The following DYNC2H1 variants were observed in gnomAD, a reference collection of about 807,000 sequenced individuals.
DYNC2H1 encodes cytoplasmic dynein 2 heavy chain 1.
A neutral mutation model predicts 570.0 loss-of-function variants in DYNC2H1; 410 were observed. The observed-to-expected ratio is 0.72, with a 90% confidence interval of 0.66 to 0.78. DYNC2H1 has a LOEUF of 0.78. Ranked by LOEUF, DYNC2H1 falls within the 30% of genes least tolerant of loss-of-function variation. The probability of loss-of-function intolerance (pLI) is 0.00; values close to 1 mark genes in which losing one functional copy is unlikely to be tolerated. For missense variants in DYNC2H1, 4,865 were observed against 5,046.4 expected, an observed-to-expected ratio of 0.96 and a Z score of 1.09; for synonymous variants, 1,688 against 1,677.6, an observed-to-expected ratio of 1.01 and a Z score of -0.15.
At position 103,125,256 on chromosome 11, in the gene DYNC2H1, T is replaced by C; in HGVS notation, c.1818T>C (p.Ile606=). 6.2e-7 allele frequency: 1 copy of C among 1,610,784 alleles called. No homozygotes were observed. The highest frequency in any genetic ancestry group is 8.5e-7 in the Non-Finnish European group (1 of 1,178,430). ...IPAKIQQVAN[I]AQKFCKQAII... ...CCAAAATACAGCAAGTTGCAAACAT[T>C]GCACAGAAATTCTGCAAGCAAGCAA... Residue 606 remains isoleucine (I), a synonymous_variant, in exon 12 of 89, where the codon ATT becomes ATC. Transcript: ENST00000375735.
chr11:103,170,151 G>T lies in DYNC2H1; in HGVS notation c.5012G>T (p.Cys1671Phe). Residue 1671 changes from cysteine (C) to phenylalanine (F), a missense_variant, in exon 33 of 89, where the codon TGC becomes TTC. Physicochemically the swap from Cys to Phe is radical, Grantham distance 205. Transcript: ENST00000375735. The surrounding 1 kb of genome is among the most constrained non-coding windows in gnomAD (Gnocchi z 4.8). ...KLVYTPLTDK[C>F]YLTLTQAMKM... ...GTTTATACTCCACTGACAGACAAGT[G>T]CTACTTAACTCTCACTCAAGCCATG... 1 of 1,613,034 alleles carries T rather than the reference G, an allele frequency of 6.2e-7. No homozygotes were observed.
chr11:103,229,841 TG>T (rs572294608), intron 59 of DYNC2H1, among the ~76,000 whole-genome samples: 397 of 152,324 alleles, frequency 2.6e-3, no homozygotes, highest in African/African-American at 9.2e-3. Context: ...AATATATTAT[TG>T]TATGTGATCA....
intron 12 of DYNC2H1, among the ~76,000 whole-genome samples, chr11:103,127,986 G>A (rs2134745936): frequency 6.6e-6 from 1 of 152,318 alleles, no homozygotes; most frequent in East Asian, 1.9e-4. Context: ...CCTTGATGAA[G>A]AGGTAACATT....
At chr11:103,174,202 A>T (rs774017745) in intron 36 of DYNC2H1, 32 bp downstream of exon 36, 1 of 1,478,226 alleles carries the variant, frequency 6.8e-7, no homozygotes. Flanking sequence ...ACATTAACTT[A>T]TTTTTAAAAA....
At chr11:103,310,691 TTTTTTTTG>T (rs1280133022) in intron 78 of DYNC2H1, among the ~76,000 whole-genome samples, 10,351 of 102,260 alleles carry the variant, frequency 0.1, 555 homozygotes, top group East Asian at 0.23. Flanking sequence ...TTTTTTTTTT[TTTTTTTTG>T]GGAGACTGAG....
chr11:103,174,549 C>G (rs565706110), intron 36 of DYNC2H1, among the ~76,000 whole-genome samples: 12 of 152,224 alleles, frequency 7.9e-5, no homozygotes, highest in South Asian at 2.1e-4. Flanking sequence ...GACCCCACCC[C>G]CAAAGGTCCT....
chr11:103,412,269 G>C (rs1943118610), intron 84 of DYNC2H1, among the ~76,000 whole-genome samples: 1 of 152,086 alleles, frequency 6.6e-6, no homozygotes, highest in South Asian at 2.1e-4. Flanking sequence ...GACACGATTG[G>C]AGTAGGAAAT....
chr11:103,209,943 A>G lies in DYNC2H1; in HGVS notation c.8522A>G (p.Glu2841Gly). ...TACAATGATAAAAAACGAAAAGAAGAAAAGAAAAAAAATTCAGGTAGTATT... is the reference window on the plus strand; with the variant it reads ...TACAATGATAAAAAACGAAAAGAAGGAAAGAAAAAAAATTCAGGTAGTATT... ...EKYNDKKRKE[E>G]KKKNSVDPDF... Residue 2841 changes from glutamate to glycine, a missense_variant, in exon 53 of 89, where the codon GAA becomes GGA. Glu to Gly is a moderately conservative substitution (Grantham distance 98). Around this residue, in one of 5 missense-constraint regions of DYNC2H1, gnomAD observed 2,401 missense variants for 2,454.6 expected, o/e 0.98. Coordinates refer to ENST00000375735, the MANE Select transcript of DYNC2H1 (RefSeq NM_001377.3). This position sits in a 1 kb window ranked among gnomAD's most constrained non-coding sequence, Gnocchi z 4.2. 1 of 1,492,892 alleles carries G rather than the reference A, an allele frequency of 6.7e-7. No homozygotes were observed. Among genetic ancestry groups the G allele is most frequent in the African/African-American group, 1.4e-5 (1 of 70,330 alleles). 92.5% of individuals were successfully genotyped at this position (1,492,892 alleles called of 1,614,324 possible). A position where few individuals can be genotyped will look rare whatever the true frequency, so the allele number is the denominator to read the frequency against.
chr11:103,238,643 G>A (rs653322), intron 63 of DYNC2H1, among the ~76,000 whole-genome samples: 10,307 of 152,030 alleles, frequency 0.068, 381 homozygotes, highest in Middle Eastern at 0.15. Flanking sequence ...CCCTCTCAGC[G>A]GAGGAGGCTT....
At chr11:103,210,078 C>T (rs1269538498) in intron 53 of DYNC2H1, 118 bp downstream of exon 53, 22 of 1,178,992 alleles carry the variant, frequency 1.9e-5, no homozygotes, top group Admixed American at 4.3e-5. Flanking sequence ...CTAAGTGTAA[C>T]AAAATTAGAT....
chr11:103,290,206 A>G (rs953649374), intron 75 of DYNC2H1, among the ~76,000 whole-genome samples: 4 of 152,138 alleles, frequency 2.6e-5, no homozygotes, highest in African/African-American at 9.7e-5. Flanking sequence ...GGGGGGAGAC[A>G]CAATTTAACC....
chr11:103,174,115 G>A lies in DYNC2H1; in HGVS notation c.5619G>A (p.Leu1873=), dbSNP rs1399549992. ...GTTTGAGAGCTTTGAAGACAGTTCT[G>A]AGAGGAAGTGGAAATCTCCTTAGAC... is the stretch of plus-strand genomic sequence containing the variant. The part of the protein sequence containing the change: ...DWGLRALKTV[L]RGSGNLLRQL... The change falls in exon 36 of 89, where the codon CTG becomes CTA. Residue 1873 remains leucine, a synonymous_variant. Coordinates refer to ENST00000375735, the MANE Select transcript of DYNC2H1 (RefSeq NM_001377.3). The A allele has an allele frequency of 6.3e-7, 1 of 1,590,316 alleles. No individual in the cohort carries two copies. Among genetic ancestry groups the A allele is most frequent in the South Asian group, 1.1e-5 (1 of 87,004 alleles).
chr11:103,171,331 C>T (rs1861560629), intron 34 of DYNC2H1, among the ~76,000 whole-genome samples: 1 of 152,032 alleles, frequency 6.6e-6, no homozygotes, highest in Non-Finnish European at 1.5e-5. Flanking sequence ...TCTTGGCTCA[C>T]TGCCACCTCT....
intron 20 of DYNC2H1, among the ~76,000 whole-genome samples, chr11:103,150,389 A>T (rs1464529714): frequency 6.6e-6 from 1 of 152,076 alleles, no homozygotes; most frequent in Non-Finnish European, 1.5e-5. Flanking sequence ...GTGGTAGTGG[A>T]GATAGAACTA....
At chr11:103,152,426 G>C in intron 21 of DYNC2H1, 141 bp downstream of exon 21, 1 of 720,696 alleles carries the variant, frequency 1.4e-6, no homozygotes, top group Non-Finnish European at 2.1e-6. Flanking sequence ...TACTTTTATA[G>C]TGAAATATAT....
intron 87 of DYNC2H1, among the ~76,000 whole-genome samples, chr11:103,460,279 T>C (rs1326357055): frequency 6.6e-6 from 1 of 151,576 alleles, no homozygotes; most frequent in Admixed American, 6.6e-5. Flanking sequence ...ATATTTAGTC[T>C]CTGGCAGCTG....
intron 54 of DYNC2H1, among the ~76,000 whole-genome samples, chr11:103,212,719 G>A (rs2931805): frequency 0.93 from 141,545 of 152,102 alleles, 65,885 homozygotes; most frequent in African/African-American, 0.94. Flanking sequence ...TGTTAGGGTA[G>A]TAAAGTAGGC....
At chr11:103,372,935 T>TTGTG (rs912650543) in intron 83 of DYNC2H1, among the ~76,000 whole-genome samples, 1 of 151,372 alleles carries the variant, frequency 6.6e-6, no homozygotes, top group Non-Finnish European at 1.5e-5. Flanking sequence ...GTTTGTTCAA[T>TTGTG]TGTGTGTGTG....
chr11:103,185,291 G>A lies in DYNC2H1; in HGVS notation c.6633+240G>A, dbSNP rs1784061529. On this transcript the variant is annotated intron_variant, in intron 41 of 88. Coordinates refer to ENST00000375735, the MANE Select transcript of DYNC2H1 (RefSeq NM_001377.3). The surrounding 1 kb of genome is among the most constrained non-coding windows in gnomAD (Gnocchi z 4.5). ...AATAATGTTTTATAAGTTAAAGTTT[G>A]GACCATATCTTTTTTAAGTTAGACA... 6.6e-6 allele frequency among the ~76,000 whole-genome samples: 1 copy of A among 151,554 alleles called. No homozygotes were observed. The highest frequency in any genetic ancestry group is 2.1e-4 in the South Asian group (1 of 4,824).
Sources: allele counts gnomAD v4.1 joint callset (sites outside exome capture counted in the v4.1 genomes callset), GRCh38; gene constraint gnomAD v4.1.1; regional missense constraint gnomAD v4.1.1; non-coding constraint Gnocchi (gnomAD v3.1); transcripts MANE v1.5; gene names NCBI Gene and HGNC (gene_info 2026-07-23, HGNC 2026-07-21).